The following RAVER1 variants were observed in gnomAD, a reference collection of about 807,000 sequenced individuals.
RAVER1 encodes ribonucleoprotein, PTB binding 1, also known as ribonucleoprotein PTB-binding 1.
A neutral mutation model predicts 68.4 loss-of-function variants in RAVER1; 36 were observed. The ratio of observed to expected loss-of-function variants is 0.53; its 90% CI spans 0.40 to 0.70. RAVER1 has a LOEUF of 0.70. RAVER1 is among the 30% of genes least tolerant of loss of function. The pLI, the probability that RAVER1 is intolerant of heterozygous loss-of-function variation, is 0.00. For missense variants in RAVER1, 933 were observed against 1,019.8 expected, an observed-to-expected ratio of 0.91 and a Z score of 1.16; for synonymous variants, 469 against 472.7, an observed-to-expected ratio of 0.99 and a Z score of 0.10.
rs767965748 is a variant in RAVER1, at chr19:10,333,278, C to A, written c.219+11G>T. The A allele has an allele frequency of 1.2e-6, 2 of 1,610,378 alleles. No individual in the cohort carries two copies. Among genetic ancestry groups the A allele is most frequent in the Non-Finnish European group, 1.7e-6 (2 of 1,177,258 alleles). The stretch of plus-strand genomic sequence containing the variant: ...TTTCCCGCCACGCTCCTACACCGCC[C>A]CCCCCAATACCTGGTTGGTCACGTC... On this transcript the variant is annotated intron_variant, in intron 1 of 12. Coordinates refer to ENST00000617231, the MANE Select transcript of RAVER1 (RefSeq NM_133452.3). This position sits in a 1 kb window ranked among gnomAD's most constrained non-coding sequence, Gnocchi z 4.2.
rs2040434715 is a variant in RAVER1 at position 10,321,184 on chromosome 19, G to A, written c.1337C>T (p.Ala446Val). ...GCCCAGGGCCTCCCGGTCACCCCCA[G>A]CAGGGCCAAGCACGGATGGCAGCAG... ...PPLLPSVLGP[A>V]GGDREALGLG... is the part of the protein sequence containing the mutation. The change falls in exon 8 of 13, where the codon GCT (alanine) becomes GTT (valine). Residue 446 changes from alanine (A) to valine (V), a missense_variant. Transcript: ENST00000617231. 7.8e-7 allele frequency: 1 copy of A among 1,289,260 alleles called. No homozygotes were observed. The highest frequency in any genetic ancestry group is 1.5e-5 in the African/African-American group (1 of 64,680). 79.9% of individuals were successfully genotyped at this position (1,289,260 alleles called of 1,614,324 possible).
chr19:10,317,339 A>G lies in RAVER1; in HGVS notation c.*115T>C. On this transcript the variant is annotated 3_prime_UTR_variant, in exon 13 of 13. Coordinates refer to ENST00000617231, the MANE Select transcript of RAVER1 (RefSeq NM_133452.3). The surrounding 1 kb of genome is among the most constrained non-coding windows in gnomAD (Gnocchi z 4.3). ...CTGATTGGTCAGTAAAGTCTTTCAGAGATTTTTCTATTACCGAAAGAGAGA... is the reference window on the plus strand; with the variant it reads ...CTGATTGGTCAGTAAAGTCTTTCAGGGATTTTTCTATTACCGAAAGAGAGA... 1 of 1,199,252 alleles carries G rather than the reference A, an allele frequency of 8.3e-7. No individual in the cohort carries two copies. The highest frequency in any genetic ancestry group is 1.2e-6 in the Non-Finnish European group (1 of 823,472). The allele number at this position is 1,199,252 out of a possible 1,614,324, so 74.3% of individuals were successfully genotyped here. A position where few individuals can be genotyped will look rare whatever the true frequency, so the allele number is the denominator to read the frequency against.
intron 3 of RAVER1, among the ~76,000 whole-genome samples, chr19:10,326,701 C>T (rs1293111591): frequency 2.6e-5 from 4 of 151,018 alleles, no homozygotes; most frequent in East Asian, 2.0e-4. Context: ...GTGATCCGTC[C>T]GTCTCGGCCT....
In RAVER1 at chr19:10,323,201, G is replaced by A. The variant is rs374791030; in HGVS notation, c.1022C>T (p.Ala341Val). 2.5e-5 allele frequency: 41 copies of A among 1,612,850 alleles called. No homozygotes were observed. In the Middle Eastern group the frequency reaches 8.3e-4, roughly 33 times the overall value. ...GGGGTTGAGCAGCAGCTGGAGGGAC[G>A]CGGATGGGCCCAGGTTGTTGAGCAG... ...LQLLNNLGPSASLQLLLNPLL... is the reference protein window; with the variant it reads ...LQLLNNLGPSVSLQLLLNPLL... Residue 341 changes from alanine to valine, a missense_variant, in exon 5 of 13, where the codon GCG (alanine) becomes GTG (valine). Transcript: ENST00000617231. The surrounding 1 kb of genome is among the most constrained non-coding windows in gnomAD (Gnocchi z 6.2).
In RAVER1 at chr19:10,329,144, C is replaced by G; in HGVS notation, c.287-33G>C. On this transcript the variant is annotated intron_variant, in intron 2 of 12. Coordinates refer to ENST00000617231, the MANE Select transcript of RAVER1 (RefSeq NM_133452.3). The surrounding 1 kb of genome is among the most constrained non-coding windows in gnomAD (Gnocchi z 4.6). ...GGGAGGAGGGCAGTGCGAGGTCAGC[C>G]GGGCCCTGAGGGCCTGCCCCTCCAC... 1 of 1,369,286 alleles carries G rather than the reference C, an allele frequency of 7.3e-7. No homozygotes were observed. Among genetic ancestry groups the G allele is most frequent in the Non-Finnish European group, 9.7e-7 (1 of 1,026,478 alleles). 84.8% of individuals were successfully genotyped at this position (1,369,286 alleles called of 1,614,324 possible).
Position 10,333,214 on chromosome 19 carries a change from G to A in RAVER1, c.219+75C>T, listed in dbSNP as rs1203616552. 7.1e-7 allele frequency: 1 copy of A among 1,408,492 alleles called. No individual in the cohort carries two copies. Among genetic ancestry groups the A allele is most frequent in the African/African-American group, 1.4e-5 (1 of 70,174 alleles). 87.2% of individuals were successfully genotyped at this position (1,408,492 alleles called of 1,614,324 possible). The stretch of plus-strand genomic sequence containing the variant: ...AACGACCCCCGCGCACCTCAGCGTT[G>A]GTGTCGCCCGGTTCCCCCCGCGCAC... On this transcript the variant is annotated intron_variant, in intron 1 of 12. Transcript: ENST00000617231. The surrounding 1 kb of genome is among the most constrained non-coding windows in gnomAD (Gnocchi z 4.2).
In RAVER1 at chr19:10,317,608, C is replaced by T; in HGVS notation, c.2074-8G>A. On this transcript the variant is annotated splice_region_variant and splice_polypyrimidine_tract_variant and intron_variant, in intron 12 of 12. Transcript: ENST00000617231. This position sits in a 1 kb window ranked among gnomAD's most constrained non-coding sequence, Gnocchi z 4.3. ...CTGGCCGCCCAGTGGGGTCTGGAGA[C>T]AGAGGGCAGGGCGGGGCGGGTCAGG... 1.3e-6 allele frequency: 2 copies of T among 1,598,364 alleles called. No homozygotes were observed. Among genetic ancestry groups the T allele is most frequent in the Non-Finnish European group, 1.7e-6 (2 of 1,170,708 alleles).
At position 10,329,641 on chromosome 19, in the gene RAVER1, C is replaced by T. The variant is rs1472824360; in HGVS notation, c.287-530G>A. Among the ~76,000 whole-genome samples the T allele has an allele frequency of 6.6e-6, 1 of 152,192 alleles. No homozygotes were observed. Among genetic ancestry groups the T allele is most frequent in the Non-Finnish European group, 1.5e-5 (1 of 68,034 alleles). On this transcript the variant is annotated intron_variant, in intron 2 of 12. Transcript: ENST00000617231. The surrounding 1 kb of genome is among the most constrained non-coding windows in gnomAD (Gnocchi z 4.6). Reference sequence around the variant, plus strand: ...AGGCCCACTCTACACACTGCCCACCCCTGCCACCTTTCCAGGCCACCAGTG... The same window carrying T: ...AGGCCCACTCTACACACTGCCCACCTCTGCCACCTTTCCAGGCCACCAGTG...
chr19:10,317,481 G>C lies in RAVER1; in HGVS notation c.2193C>G (p.Ser731=), dbSNP rs757085580. The change falls in exon 13 of 13, where the codon TCC becomes TCG. Residue 731 remains serine, a synonymous_variant. Transcript: ENST00000617231. This position sits in a 1 kb window ranked among gnomAD's most constrained non-coding sequence, Gnocchi z 4.3. ...SQGLGGHYAD[S]YLKRKRIF Reference sequence around the variant, plus strand: ...AGAAAATCCTCTTCCGCTTCAGGTAGGAGTCCGCGTAGTGGCCGCCGAGGC... The same window carrying C: ...AGAAAATCCTCTTCCGCTTCAGGTACGAGTCCGCGTAGTGGCCGCCGAGGC... 2 of 1,613,898 alleles carry C rather than the reference G, an allele frequency of 1.2e-6. No homozygotes were observed. The highest frequency in any genetic ancestry group is 1.7e-6 in the Non-Finnish European group (2 of 1,179,748).
rs921004065 is a variant in RAVER1 at position 10,316,279 on chromosome 19, G to C, written c.*1175C>G. On this transcript the variant is annotated 3_prime_UTR_variant, in exon 13 of 13. Coordinates refer to ENST00000617231, the MANE Select transcript of RAVER1 (RefSeq NM_133452.3). ...GTCCGTGTGGGGAGACTGGGGTGGG[G>C]TCGGGGGAATAGTCCCCTTGGAGTG... is the stretch of plus-strand genomic sequence containing the variant. The C allele has an allele frequency of 5.0e-5, 64 of 1,270,986 alleles. No homozygotes were observed. The Admixed American group carries it at 1.1e-3, about 22-fold the overall frequency. The allele number at this position is 1,270,986 out of a possible 1,614,324, so 78.7% of individuals were successfully genotyped here.
chr19:10,333,355 G>C lies in RAVER1; in HGVS notation c.153C>G (p.Thr51=). 6.2e-7 allele frequency: 1 copy of C among 1,613,878 alleles called. No individual in the cohort carries two copies. Among genetic ancestry groups the C allele is most frequent in the Non-Finnish European group, 8.5e-7 (1 of 1,179,796 alleles). Residue 51 remains threonine, a synonymous_variant, in exon 1 of 13, where the codon ACC becomes ACG. Transcript: ENST00000617231. This position sits in a 1 kb window ranked among gnomAD's most constrained non-coding sequence, Gnocchi z 4.2. ...PEEIRKRLEH[T]ERQFRNRRKI... is the part of the protein sequence containing the mutation. Reference sequence around the variant, plus strand: ...TGCGGCGGTTACGGAACTGGCGCTCGGTGTGTTCCAGGCGTTTCCGGATCT... The same window carrying C: ...TGCGGCGGTTACGGAACTGGCGCTCCGTGTGTTCCAGGCGTTTCCGGATCT...
In RAVER1 at chr19:10,317,932, T is replaced by C. The variant is rs972208166; in HGVS notation, c.1990-159A>G. On this transcript the variant is annotated intron_variant, in intron 11 of 12. Transcript: ENST00000617231. This position sits in a 1 kb window ranked among gnomAD's most constrained non-coding sequence, Gnocchi z 4.3. ...TTCTAGCTATAAGACCTAGGGCCAA[T>C]TGCTCCATTTTATTTGAGCCTCGGT... is the stretch of plus-strand genomic sequence containing the variant. Among the ~76,000 whole-genome samples, 2 of 151,372 alleles carry C rather than the reference T, an allele frequency of 1.3e-5. No individual in the cohort carries two copies. The highest frequency in any genetic ancestry group is 2.9e-5 in the Non-Finnish European group (2 of 67,852).
Position 10,320,807 on chromosome 19 carries a change from C to T in RAVER1, c.1618G>A (p.Glu540Lys), listed in dbSNP as rs569762148. The change falls in exon 9 of 13, where the codon GAG becomes AAG. Residue 540 changes from glutamate (E) to lysine (K), a missense_variant. Coordinates refer to ENST00000617231, the MANE Select transcript of RAVER1 (RefSeq NM_133452.3). ...GCTGGGGGGTTAGTTGGGGGGCCCT[C>T]AGCTGGGCGGCGGCTTCTCCCGGCG... ...GGAGRSRRPA[E>K]GPPTNPPAPG... 1.3e-6 allele frequency: 2 copies of T among 1,526,070 alleles called. No individual in the cohort carries two copies. Among genetic ancestry groups the T allele is most frequent in the East Asian group, 2.5e-5 (1 of 39,832 alleles). 94.5% of individuals were successfully genotyped at this position (1,526,070 alleles called of 1,614,324 possible).
At chr19:10,319,654 CT>C (rs2040419453) in intron 9 of RAVER1, among the ~76,000 whole-genome samples, 1 of 151,694 alleles carries the variant, frequency 6.6e-6, no homozygotes, top group African/African-American at 2.4e-5. Context: ...ACAATCTTGG[CT>C]CACCACAACC....
In RAVER1 at chr19:10,320,875, G is replaced by C; in HGVS notation, c.1550C>G (p.Pro517Arg). 6.6e-7 allele frequency: 1 copy of C among 1,512,820 alleles called. No individual in the cohort carries two copies. The highest frequency in any genetic ancestry group is 8.8e-7 in the Non-Finnish European group (1 of 1,137,094). The allele number at this position is 1,512,820 out of a possible 1,614,324, so 93.7% of individuals were successfully genotyped here. Residue 517 changes from proline (P) to arginine (R), a missense_variant, in exon 9 of 13, where the codon CCG (proline) becomes CGG (arginine). By Grantham distance (103) the Pro-to-Arg change is moderately radical. Transcript: ENST00000617231. ...CTCCTTACCCGCCAGGTTGCTGGCCGGGAGCAGGCTGTGTAGGTTCAGGTA... is the reference window on the plus strand; with the variant it reads ...CTCCTTACCCGCCAGGTTGCTGGCCCGGAGCAGGCTGTGTAGGTTCAGGTA... ...NPYLNLHSLL[P>R]ASNLAGKEAR... is the part of the protein sequence containing the mutation.
Position 10,317,840 on chromosome 19 carries a change from C to A in RAVER1, c.1990-67G>T. ...CCAGAGGAAGCACCCACCCCGCCCC[C>A]CTGCCACTGCCCCCCAGCCCTGAGG... is the stretch of plus-strand genomic sequence containing the variant. On this transcript the variant is annotated intron_variant, in intron 11 of 12. Coordinates refer to ENST00000617231, the MANE Select transcript of RAVER1 (RefSeq NM_133452.3). This position sits in a 1 kb window ranked among gnomAD's most constrained non-coding sequence, Gnocchi z 4.3. 1 of 884,876 alleles carries A rather than the reference C, an allele frequency of 1.1e-6. No individual in the cohort carries two copies. Among genetic ancestry groups the A allele is most frequent in the South Asian group, 1.4e-5 (1 of 70,124 alleles). 54.8% of individuals were successfully genotyped at this position (884,876 alleles called of 1,614,324 possible). A position where few individuals can be genotyped will look rare whatever the true frequency, so the allele number is the denominator to read the frequency against.
chr19:10,327,304 G>A (rs896464475), intron 3 of RAVER1, among the ~76,000 whole-genome samples: 5 of 152,070 alleles, frequency 3.3e-5, no homozygotes, highest in Admixed American at 6.6e-5. Flanking sequence ...TGCTCAGGCT[G>A]TAGTGTCATG....
intron 1 of RAVER1, among the ~76,000 whole-genome samples, chr19:10,331,116 G>A (rs1380377270): frequency 4.0e-5 from 6 of 151,278 alleles, no homozygotes; most frequent in Middle Eastern, 3.5e-3. Context: ...TTGGGAGGCC[G>A]AGGCGGGTGG....
chr19:10,316,394 C>A lies in RAVER1; in HGVS notation c.*1060G>T, dbSNP rs1047560560. 3 of 1,046,280 alleles carry A rather than the reference C, an allele frequency of 2.9e-6. No individual in the cohort carries two copies. Among genetic ancestry groups the A allele is most frequent in the African/African-American group, 3.4e-5 (2 of 58,198 alleles). The allele number at this position is 1,046,280 out of a possible 1,614,324, so 64.8% of individuals were successfully genotyped here. On this transcript the variant is annotated 3_prime_UTR_variant, in exon 13 of 13. Coordinates refer to ENST00000617231, the MANE Select transcript of RAVER1 (RefSeq NM_133452.3). ...GGTCACCTCAGGTCGACAGGTCCTGCTGGTGGGCGGGCCCAGAGTTTATCT... is the reference window on the plus strand; with the variant it reads ...GGTCACCTCAGGTCGACAGGTCCTGATGGTGGGCGGGCCCAGAGTTTATCT...
Sources: gnomAD v4.1 joint callset for allele counts (sites outside exome capture counted in the v4.1 genomes callset) on GRCh38, gnomAD v4.1.1 for gene constraint, Gnocchi (gnomAD v3.1) non-coding constraint, MANE v1.5 for transcripts, NCBI Gene and HGNC (gene_info 2026-07-23, HGNC 2026-07-21) for gene names.